ELMO1: variants seen among roughly 807,000 people sequenced by gnomAD.
ELMO1 encodes the protein engulfment and cell motility 1.
A neutral mutation model predicts 98.9 loss-of-function variants in ELMO1; 26 were observed. The ratio of observed to expected loss-of-function variants is 0.26; its 90% CI spans 0.19 to 0.36. ELMO1 has a LOEUF of 0.36. Ranked by LOEUF, ELMO1 falls within the 10% of genes least tolerant of loss-of-function variation. The probability of loss-of-function intolerance (pLI) is 1.00; values close to 1 mark genes in which losing one functional copy is unlikely to be tolerated. For synonymous variants in ELMO1, 346 were observed against 346.0 expected, an observed-to-expected ratio of 1.00 and a Z score of 0.00; for missense variants, 627 against 935.2, an observed-to-expected ratio of 0.67 and a Z score of 4.30.
intron 15 of ELMO1, among the ~76,000 whole-genome samples, chr7:37,021,013 T>C (rs1794234861): frequency 6.6e-6 from 1 of 152,264 alleles, no homozygotes; most frequent in African/African-American, 2.4e-5. Flanking sequence ...TGCAGATGTA[T>C]ATTTATTCCT....
chr7:37,105,586 C>T (rs967630879), intron 14 of ELMO1, among the ~76,000 whole-genome samples: 4 of 152,226 alleles, frequency 2.6e-5, no homozygotes, highest in Non-Finnish European at 5.9e-5. Flanking sequence ...GGTGTACTCA[C>T]GAATCTGCCT....
intron 5 of ELMO1, among the ~76,000 whole-genome samples, chr7:37,269,262 G>A (rs1204694268): frequency 6.6e-6 from 1 of 152,088 alleles, no homozygotes; most frequent in Non-Finnish European, 1.5e-5. Context: ...AAACCACAAG[G>A]TGATTGCTTA....
chr7:37,125,385 C>T (rs1299217981), intron 14 of ELMO1, among the ~76,000 whole-genome samples: 1 of 152,146 alleles, frequency 6.6e-6, no homozygotes, highest in Non-Finnish European at 1.5e-5. Context: ...GCAATCTACT[C>T]ATCTGACAAA....
At chr7:37,170,614 GCTTT>G (rs1790085228) in intron 13 of ELMO1, among the ~76,000 whole-genome samples, 1 of 139,048 alleles carries the variant, frequency 7.2e-6, no homozygotes, top group South Asian at 2.3e-4. Flanking sequence ...TTCCTTGCTT[GCTTT>G]TTTTTTTTTT....
intron 13 of ELMO1, among the ~76,000 whole-genome samples, chr7:37,133,925 C>CA (rs1338898915): frequency 5.9e-5 from 9 of 152,120 alleles, no homozygotes; most frequent in African/African-American, 1.7e-4. Context: ...CTCAGCAACA[C>CA]AAAAAACAAT....
intron 5 of ELMO1, among the ~76,000 whole-genome samples, chr7:37,267,723 A>C: frequency 6.6e-6 from 1 of 152,260 alleles, no homozygotes; most frequent in South Asian, 2.1e-4. Context: ...ACATACACAC[A>C]TACATGCACA....
Position 37,086,765 on chromosome 7 carries a change from A to AAAAAAAAAAG in ELMO1, c.1300+9853_1300+9854insCTTTTTTTTT, listed in dbSNP as rs1491293564. Among the ~76,000 whole-genome samples the AAAAAAAAAAG allele has an allele frequency of 7.2e-4, 103 of 142,568 alleles. 2 individuals are homozygous for AAAAAAAAAAG. The highest frequency in any genetic ancestry group is 9.6e-4 in the Non-Finnish European group (63 of 65,294). 93.5% of individuals were successfully genotyped at this position (142,568 alleles called of 152,430 possible). A position where few individuals can be genotyped will look rare whatever the true frequency, so the allele number is the denominator to read the frequency against. ...CTCCAAAAAAAAAAAAAAAAAAAAA[A>AAAAAAAAAAG]GAAATCTTTGAACTTTCTTGCCAAA... is the stretch of plus-strand genomic sequence containing the variant. On this transcript the variant is annotated intron_variant, in intron 15 of 21. Coordinates refer to ENST00000310758, the MANE Select transcript of ELMO1 (RefSeq NM_014800.11).
intron 14 of ELMO1, among the ~76,000 whole-genome samples, chr7:37,122,576 A>G (rs780254581): frequency 4.6e-5 from 7 of 152,250 alleles, no homozygotes; most frequent in African/African-American, 1.4e-4. Flanking sequence ...CAATTCAACA[A>G]GAAGAGTTAA....
At chr7:36,945,171 T>G (rs1787370850) in intron 16 of ELMO1, among the ~76,000 whole-genome samples, 3 of 152,242 alleles carry the variant, frequency 2.0e-5, no homozygotes, top group Admixed American at 2.0e-4. Context: ...CAATTATGAT[T>G]GTTTAATTGC....
At chr7:37,355,775 T>C (rs1289071103) in intron 1 of ELMO1, among the ~76,000 whole-genome samples, 2 of 152,218 alleles carry the variant, frequency 1.3e-5, no homozygotes, top group Non-Finnish European at 2.9e-5. Flanking sequence ...GGACTCAACT[T>C]GTTCTAAATC....
At chr7:36,881,934 G>A (rs965083282) in intron 18 of ELMO1, among the ~76,000 whole-genome samples, 3 of 152,164 alleles carry the variant, frequency 2.0e-5, no homozygotes, top group Admixed American at 6.5e-5. Context: ...ATCAGACAGT[G>A]TAGCCCACCG....
chr7:37,003,840 A>ATCCCAC (rs1309665867), intron 16 of ELMO1, among the ~76,000 whole-genome samples: 1 of 152,086 alleles, frequency 6.6e-6, no homozygotes, highest in Non-Finnish European at 1.5e-5. Context: ...ATAGCTTCTG[A>ATCCCAC]TCCCACTCTC....
chr7:36,926,501 C>A (rs370803394), intron 16 of ELMO1, among the ~76,000 whole-genome samples: 9 of 152,176 alleles, frequency 5.9e-5, no homozygotes, highest in African/African-American at 1.7e-4. Flanking sequence ...AAGTGACCCC[C>A]CCAACTGAGG....
Position 37,038,899 on chromosome 7 carries a change from C to T in ELMO1, c.1301-25464G>A, listed in dbSNP as rs1225897284. The stretch of plus-strand genomic sequence containing the variant: ...TCCCTGGTGTCTCTTCTGATAAGGG[C>T]ACTAATCCCATTATGAGGGCCCCAC... On this transcript the variant is annotated intron_variant, in intron 15 of 21. Coordinates refer to ENST00000310758, the MANE Select transcript of ELMO1 (RefSeq NM_014800.11). Among the ~76,000 whole-genome samples the T allele has an allele frequency of 3.3e-5, 5 of 152,226 alleles. No homozygotes were observed. The East Asian group carries it at 9.7e-4, about 29-fold the overall frequency.
chr7:37,162,948 T>C (rs1429978851), intron 13 of ELMO1, among the ~76,000 whole-genome samples: 1 of 152,222 alleles, frequency 6.6e-6, no homozygotes, highest in African/African-American at 2.4e-5. Flanking sequence ...GAAGTTCTCC[T>C]GAATAAATAA....
At chr7:37,166,673 T>A (rs1224363244) in intron 13 of ELMO1, among the ~76,000 whole-genome samples, 2 of 152,228 alleles carry the variant, frequency 1.3e-5, no homozygotes, top group Non-Finnish European at 2.9e-5. Flanking sequence ...AATCCTGAGT[T>A]CTAGTTTGAT....
At chr7:37,364,577 G>A (rs940721173) in intron 1 of ELMO1, among the ~76,000 whole-genome samples, 1 of 122,402 alleles carries the variant, frequency 8.2e-6, no homozygotes, top group African/African-American at 3.0e-5. Flanking sequence ...CTTTAATGCT[G>A]GCTTAATTTT....
At chr7:37,052,095 C>T (rs1796140257) in intron 15 of ELMO1, among the ~76,000 whole-genome samples, 1 of 152,202 alleles carries the variant, frequency 6.6e-6, no homozygotes, top group Non-Finnish European at 1.5e-5. Flanking sequence ...TTCGCTCAAT[C>T]CCAGTTGCCT....
intron 13 of ELMO1, among the ~76,000 whole-genome samples, chr7:37,167,319 A>G (rs1023684397): frequency 2.8e-4 from 43 of 152,264 alleles, no homozygotes; most frequent in African/African-American, 8.7e-4. Flanking sequence ...CATTTAATTG[A>G]AGCATTTCGT....
Sources: allele counts gnomAD v4.1 joint callset (sites outside exome capture counted in the v4.1 genomes callset), GRCh38; gene constraint gnomAD v4.1.1; transcripts MANE v1.5; gene names NCBI Gene and HGNC (gene_info 2026-07-23, HGNC 2026-07-21).